Variants in EVI5 observed in about 807,000 individuals in gnomAD.
EVI5 encodes the protein ecotropic viral integration site 5 protein homolog.
EVI5 carries 73 observed loss-of-function variants against 112.0 expected under a neutral mutation model. The ratio of observed to expected loss-of-function variants is 0.65; its 90% CI spans 0.54 to 0.79. The LOEUF is 0.79. EVI5 is among the 30% of genes least tolerant of loss of function. The pLI is 0.00. For synonymous variants in EVI5, 305 were observed against 319.9 expected (o/e 0.95, Z 0.50); for missense variants, 900 against 968.8 (o/e 0.93, Z 0.94).
At chr1:92,788,294 A>G (rs1002903085), upstream of EVI5, among the ~76,000 whole-genome samples, 1 of 150,290 alleles carries the variant, frequency 6.7e-6, no homozygotes, top group Admixed American at 6.7e-5. Flanking sequence ...ACACAGTGAA[A>G]CCCCATCTCT....
rs1176624753 is a variant in EVI5 at position 92,617,663 on chromosome 1, C to T, written c.1827+6513G>A. Among the ~76,000 whole-genome samples the T allele has an allele frequency of 3.9e-5, 6 of 152,188 alleles. 1 individual carries two copies. The highest frequency in any genetic ancestry group is 2.0e-4 in the Admixed American group (3 of 15,280). On this transcript the variant is annotated intron_variant, in intron 16 of 19. Transcript: ENST00000684568. The stretch of plus-strand genomic sequence containing the variant: ...CTGGCTACAGCCACTGCTAAGTGCC[C>T]AATTTCCCAGCAGCAGAGACCAACA...
chr1:92,576,249 T>C (rs1449472650), intron 18 of EVI5, among the ~76,000 whole-genome samples: 1 of 152,240 alleles, frequency 6.6e-6, no homozygotes, highest in South Asian at 2.1e-4. Context: ...CATGTGTACA[T>C]ATGTATATTA....
chr1:92,767,805 C>T (rs2103024508), intron 1 of EVI5, among the ~76,000 whole-genome samples: 1 of 152,216 alleles, frequency 6.6e-6, no homozygotes, highest in South Asian at 2.1e-4. Context: ...TTTGGCAGAG[C>T]ACAGTGGTTC....
chr1:92,751,098 C>T (rs758925358), intron 1 of EVI5, among the ~76,000 whole-genome samples: 31 of 152,124 alleles, frequency 2.0e-4, no homozygotes, highest in Non-Finnish European at 3.7e-4. Context: ...GGCAATGAGC[C>T]AAGATCGCAC....
At chr1:92,790,552 A>G (rs1222052841) in intron 1 of EVI5, among the ~76,000 whole-genome samples, 1 of 151,750 alleles carries the variant, frequency 6.6e-6, no homozygotes, top group Admixed American at 6.6e-5. Context: ...AAGGCTCACA[A>G]TGAAATAGTG....
At chr1:92,615,119 T>C (rs1454528463) in intron 16 of EVI5, among the ~76,000 whole-genome samples, 3 of 152,044 alleles carry the variant, frequency 2.0e-5, no homozygotes, top group Non-Finnish European at 4.4e-5. Context: ...GAACTGTTTG[T>C]AGAGAGTTAC....
At chr1:92,607,484 T>C (rs949955686) in intron 17 of EVI5, 97 bp downstream of exon 17, 3 of 868,992 alleles carry the variant, frequency 3.5e-6, no homozygotes, top group Non-Finnish European at 4.8e-6. Flanking sequence ...CGAGCTTTTT[T>C]GTTTTGTTTT....
intron 16 of EVI5, among the ~76,000 whole-genome samples, chr1:92,620,877 T>C (rs923292177): frequency 6.6e-6 from 1 of 152,166 alleles, no homozygotes; most frequent in Non-Finnish European, 1.5e-5. Context: ...AAAACTTTAA[T>C]GCAAAATTAG....
At chr1:92,688,052 T>A (rs1397817302) in intron 9 of EVI5, among the ~76,000 whole-genome samples, 1 of 152,212 alleles carries the variant, frequency 6.6e-6, no homozygotes, top group African/African-American at 2.4e-5. Flanking sequence ...CAAAGGATTA[T>A]AAATTATGCT....
At chr1:92,772,272 C>T (rs1055117856) in intron 1 of EVI5, among the ~76,000 whole-genome samples, 13 of 151,488 alleles carry the variant, frequency 8.6e-5, no homozygotes, top group Non-Finnish European at 1.3e-4. Flanking sequence ...CCAAGAAATA[C>T]AAGAAATAAT....
At chr1:92,734,408 T>C (rs1424515121) in intron 2 of EVI5, among the ~76,000 whole-genome samples, 1 of 152,246 alleles carries the variant, frequency 6.6e-6, no homozygotes, top group African/African-American at 2.4e-5. Context: ...ATAAATGCTC[T>C]TGACTGATGT....
chr1:92,631,316 GGA>G (rs1236621013), intron 14 of EVI5, among the ~76,000 whole-genome samples: 1 of 152,176 alleles, frequency 6.6e-6, no homozygotes, highest in Non-Finnish European at 1.5e-5. Context: ...CCATGAGCAT[GGA>G]ATGTTATTCC....
chr1:92,688,720 G>A (rs1342047505), intron 9 of EVI5, among the ~76,000 whole-genome samples: 1 of 152,174 alleles, frequency 6.6e-6, no homozygotes, highest in Non-Finnish European at 1.5e-5. Context: ...ACATTTTCCT[G>A]ACACCCAGCA....
intron 1 of EVI5, among the ~76,000 whole-genome samples, chr1:92,748,405 G>C (rs1679647192): frequency 6.6e-6 from 1 of 152,292 alleles, no homozygotes; most frequent in East Asian, 1.9e-4. Flanking sequence ...CAGACTCTAA[G>C]TCTTCCCAGC....
chr1:92,519,722 G>A (rs1557700520), intron 19 of EVI5, among the ~76,000 whole-genome samples: 1 of 151,544 alleles, frequency 6.6e-6, no homozygotes, highest in Non-Finnish European at 1.5e-5. Flanking sequence ...GGGAAACTCC[G>A]TCGTCTCTAC....
intron 13 of EVI5, among the ~76,000 whole-genome samples, chr1:92,650,915 A>G (rs888746394): frequency 1.3e-5 from 2 of 152,184 alleles, no homozygotes; most frequent in African/African-American, 4.8e-5. Flanking sequence ...AGATCTTCAA[A>G]TAGTTTCCAT....
chr1:92,618,338 C>T (rs1398986819), intron 16 of EVI5, among the ~76,000 whole-genome samples: 5 of 152,132 alleles, frequency 3.3e-5, no homozygotes, highest in Non-Finnish European at 7.3e-5. Flanking sequence ...CACCAGAAGA[C>T]ACAACAACGA....
intron 13 of EVI5, among the ~76,000 whole-genome samples, chr1:92,641,855 A>T (rs1359135344): frequency 6.6e-6 from 1 of 152,126 alleles, no homozygotes; most frequent in Non-Finnish European, 1.5e-5. Context: ...ATAGGCCGGG[A>T]GCGGTGGTGC....
rs183776651 is a variant in EVI5, at chr1:92,648,922, G to A, written c.1393-12586C>T. Among the ~76,000 whole-genome samples the A allele has an allele frequency of 1.6e-3, 251 of 152,262 alleles. 3 individuals carry two copies. Among genetic ancestry groups the A allele is most frequent in the South Asian group, 1.0e-3 (5 of 4,826 alleles). On this transcript the variant is annotated intron_variant, in intron 13 of 19. Coordinates refer to ENST00000684568, the MANE Select transcript of EVI5 (RefSeq NM_001350197.2). ...TAGCAGGGTACCATGATAATTCTAT[G>A]CTTAACTTTTTGAGGAACTGCCAAA...
Sources: gnomAD v4.1 joint callset for allele counts (sites outside exome capture counted in the v4.1 genomes callset) on GRCh38, gnomAD v4.1.1 for gene constraint, MANE v1.5 for transcripts, NCBI Gene and HGNC (gene_info 2026-07-23, HGNC 2026-07-21) for gene names.